The following MAF variants were observed in gnomAD, a reference collection of about 807,000 sequenced individuals.
MAF encodes the protein MAF bZIP transcription factor.
In MAF, 10 loss-of-function variants were observed where a neutral mutation model predicts 22.0. The observed-to-expected ratio is 0.45, with a 90% CI of 0.28 to 0.77. MAF has a LOEUF of 0.77. Ranked by LOEUF, MAF falls within the 30% of genes least tolerant of loss-of-function variation. The probability of loss-of-function intolerance (pLI) is 0.12; values close to 1 mark genes in which losing one functional copy is unlikely to be tolerated. For synonymous variants in MAF, 337 were observed against 255.8 expected (o/e 1.32, Z -3.03); for missense variants, 544 against 548.4 (o/e 0.99, Z 0.08).
the MAF span, chr16:79,211,727 G>C: frequency 3.1e-6 from 5 of 1,614,248 alleles, no homozygotes; most frequent in Non-Finnish European, 4.2e-6. Flanking sequence ...AGAGCGAAGA[G>C]ACGGCCCGGA....
At chr16:79,399,048 T>C in the MAF span, among the ~76,000 whole-genome samples, 1 of 152,184 alleles carries the variant, frequency 6.6e-6, no homozygotes, top group African/African-American at 2.4e-5. Context: ...ATGCCTGCAA[T>C]AGGCACTCAG....
chr16:79,422,954 G>T, the MAF span, among the ~76,000 whole-genome samples: 1 of 152,122 alleles, frequency 6.6e-6, no homozygotes, highest in African/African-American at 2.4e-5. Context: ...GACAGGTGGA[G>T]TGACAAAGTG....
the MAF span, among the ~76,000 whole-genome samples, chr16:79,245,359 A>G: frequency 2.6e-5 from 4 of 152,022 alleles, no homozygotes; most frequent in African/African-American, 9.7e-5. Flanking sequence ...GATAACTTAA[A>G]TTTACAAGAA....
downstream of MAF, among the ~76,000 whole-genome samples, chr16:79,589,839 T>G (rs1913083420): frequency 6.6e-6 from 1 of 152,130 alleles, no homozygotes; most frequent in Admixed American, 6.5e-5. Flanking sequence ...GCGCGCTGGG[T>G]GTGGCCGTCA....
chr16:79,203,909 A>G, the MAF span: 1 of 152,234 alleles, frequency 6.6e-6, no homozygotes, highest in Non-Finnish European at 1.5e-5. Context: ...TAGAGTAAAA[A>G]TGTAAAATGT....
At chr16:79,407,983 G>A in the MAF span, among the ~76,000 whole-genome samples, 1 of 147,788 alleles carries the variant, frequency 6.8e-6, no homozygotes. Context: ...TTCCTTCTCA[G>A]AGGGAGATCG....
At chr16:79,438,000 C>G in the MAF span, among the ~76,000 whole-genome samples, 9 of 152,130 alleles carry the variant, frequency 5.9e-5, no homozygotes, top group Non-Finnish European at 1.3e-4. Flanking sequence ...ACCGGGAAGC[C>G]GGGGCTACTA....
At chr16:79,568,193 C>G in the MAF span, among the ~76,000 whole-genome samples, 3 of 152,194 alleles carry the variant, frequency 2.0e-5, no homozygotes, top group Admixed American at 2.0e-4. Flanking sequence ...GGCATTTTAC[C>G]TCTGCGGCTG....
chr16:79,531,268 C>T, the MAF span, among the ~76,000 whole-genome samples: 42,740 of 151,910 alleles, frequency 0.28, 6,737 homozygotes, highest in Non-Finnish European at 0.37. Context: ...GATGAGATAA[C>T]CTCTATCCTC....
chr16:79,322,587 C>T, the MAF span, among the ~76,000 whole-genome samples: 5 of 152,258 alleles, frequency 3.3e-5, no homozygotes, highest in East Asian at 1.9e-4. Flanking sequence ...GAAGCGGAAA[C>T]AGACCTTTCT....
At chr16:79,432,326 C>T in the MAF span, among the ~76,000 whole-genome samples, 1 of 152,178 alleles carries the variant, frequency 6.6e-6, no homozygotes, top group Non-Finnish European at 1.5e-5. Context: ...TTATCAATTA[C>T]TCAGTCTCGA....
chr16:79,331,625 G>C, the MAF span, among the ~76,000 whole-genome samples: 5 of 152,102 alleles, frequency 3.3e-5, no homozygotes, highest in Non-Finnish European at 5.9e-5. Context: ...TGTTTCCTCT[G>C]GGCTCCATAC....
chr16:79,344,069 G>A, the MAF span, among the ~76,000 whole-genome samples: 1 of 152,196 alleles, frequency 6.6e-6, no homozygotes, highest in Admixed American at 6.5e-5. Context: ...TGACCTTGAG[G>A]AGGCTTCCAA....
At chr16:79,559,750 C>G in the MAF span, among the ~76,000 whole-genome samples, 2 of 152,134 alleles carry the variant, frequency 1.3e-5, no homozygotes, top group Non-Finnish European at 2.9e-5. Context: ...ATATTTCACT[C>G]TAATTTTTCT....
chr16:79,283,552 G>C, the MAF span, among the ~76,000 whole-genome samples: 38,542 of 152,050 alleles, frequency 0.25, 6,436 homozygotes, highest in East Asian at 0.53. Flanking sequence ...GAAAGGGAAT[G>C]ACAAACTTTT....
chr16:79,310,314 C>T, the MAF span, among the ~76,000 whole-genome samples: 4 of 151,886 alleles, frequency 2.6e-5, no homozygotes, highest in Non-Finnish European at 2.9e-5. Flanking sequence ...CATCTATTTG[C>T]AAAAAGGACT....
the MAF span, among the ~76,000 whole-genome samples, chr16:79,279,782 T>C: frequency 3.9e-3 from 598 of 152,310 alleles, 2 homozygotes; most frequent in African/African-American, 0.014. Flanking sequence ...TTTTTTTTTC[T>C]TTTATATATT....
chr16:79,504,008 C>T, the MAF span, among the ~76,000 whole-genome samples: 1 of 152,102 alleles, frequency 6.6e-6, no homozygotes, highest in Non-Finnish European at 1.5e-5. Context: ...CAGTAAATAT[C>T]CCCAAATTTC....
At chr16:79,301,921 C>T in the MAF span, among the ~76,000 whole-genome samples, 1 of 152,238 alleles carries the variant, frequency 6.6e-6, no homozygotes, top group Non-Finnish European at 1.5e-5. Flanking sequence ...TTCACAAGGT[C>T]TCACAGCCTT....
Sources: gnomAD v4.1 joint callset for allele counts (sites outside exome capture counted in the v4.1 genomes callset) on GRCh38, gnomAD v4.1.1 for gene constraint, MANE v1.5 for transcripts, NCBI Gene and HGNC (gene_info 2026-07-23, HGNC 2026-07-21) for gene names.